CCNE1: variants seen among roughly 807,000 people sequenced by gnomAD.
CCNE1 encodes G1/S-specific cyclin-E1.
In CCNE1, 8 loss-of-function variants were observed where a neutral mutation model predicts 54.1. The ratio of observed to expected loss-of-function variants is 0.15; its 90% CI spans 0.09 to 0.27. The LOEUF (loss-of-function observed/expected upper bound fraction) is 0.27. Among genes scored for constraint, CCNE1 ranks in the 10% least tolerant of loss-of-function variants. The pLI is 1.00. For missense variants in CCNE1, 430 were observed against 514.9 expected, an observed-to-expected ratio of 0.84 and a Z score of 1.60; for synonymous variants, 179 against 185.2, an observed-to-expected ratio of 0.97 and a Z score of 0.27.
intron 4 of CCNE1, among the ~76,000 whole-genome samples, chr19:29,815,883 G>A (rs1035542615): frequency 1.3e-5 from 2 of 151,538 alleles, no homozygotes; most frequent in Non-Finnish European, 2.9e-5. Context: ...TGCCAGGTGC[G>A]GTGGCTCAGG....
intron 4 of CCNE1, 60 bp downstream of exon 4, chr19:29,813,097 T>G: frequency 6.9e-7 from 1 of 1,447,574 alleles, no homozygotes; most frequent in Non-Finnish European, 9.7e-7. Context: ...TCACATGGGG[T>G]TTCATGCTGT....
chr19:29,813,095 G>GGAGAA, intron 4 of CCNE1, 58 bp downstream of exon 4: 2 of 1,472,924 alleles, frequency 1.4e-6, no homozygotes, highest in Non-Finnish European at 9.5e-7. Flanking sequence ...GGTCACATGG[G>GGAGAA]GTTTCATGCT....
At chr19:29,820,579 A>G (rs754840082) in intron 6 of CCNE1, 123 bp from the exon 7 acceptor site, 31 of 702,994 alleles carry the variant, frequency 4.4e-5, no homozygotes, top group Middle Eastern at 3.9e-4. Context: ...AAAACTATCA[A>G]TTGTTGAGTT....
At position 29,821,774 on chromosome 19, in the gene CCNE1, G is replaced by A. The variant is rs1259738407; in HGVS notation, c.662G>A (p.Cys221Tyr). The change falls in exon 8 of 12, where the codon TGT (cysteine) becomes TAT (tyrosine). Residue 221 changes from cysteine to tyrosine, a missense_variant. Transcript: ENST00000262643. ...TTTGCGTATGTGACAGATGGAGCTT[G>A]TTCAGGAGATGAAATTCTCACCATG... is the stretch of plus-strand genomic sequence containing the variant. ...HQFAYVTDGA[C>Y]SGDEILTMEL... 2 of 1,613,416 alleles carry A rather than the reference G, an allele frequency of 1.2e-6. No homozygotes were observed. Among genetic ancestry groups the A allele is most frequent in the Admixed American group, 1.7e-5 (1 of 59,974 alleles).
chr19:29,819,704 T>C (rs1974106378), intron 6 of CCNE1, among the ~76,000 whole-genome samples: 1 of 152,242 alleles, frequency 6.6e-6, no homozygotes, highest in South Asian at 2.1e-4. Flanking sequence ...GTTGTATATC[T>C]TACTGGGATG....
At position 29,821,737 on chromosome 19, in the gene CCNE1, A is replaced by C. The variant is rs771158585; in HGVS notation, c.625A>C (p.Lys209Gln). 5 of 1,608,726 alleles carry C rather than the reference A, an allele frequency of 3.1e-6. No individual in the cohort carries two copies. The highest frequency in any genetic ancestry group is 3.4e-6 in the Non-Finnish European group (4 of 1,175,272). The change falls in exon 8 of 12, where the codon AAG becomes CAG. Residue 209 changes from lysine (K) to glutamine (Q), a missense_variant. By Grantham distance (53) the Lys-to-Gln change is moderately conservative. Coordinates refer to ENST00000262643, the MANE Select transcript of CCNE1 (RefSeq NM_001238.4). The stretch of plus-strand genomic sequence containing the variant: ...TTCCTTTCAGGAAATCTATCCTCCA[A>C]AGTTGCACCAGTTTGCGTATGTGAC... ...AAKLEEIYPP[K>Q]LHQFAYVTDG...
Position 29,817,392 on chromosome 19 carries a change from G to GT in CCNE1, c.327-13dup, listed in dbSNP as rs770510994. 3 of 1,613,876 alleles carry GT rather than the reference G, an allele frequency of 1.9e-6. No homozygotes were observed. The highest frequency in any genetic ancestry group is 3.3e-5 in the Admixed American group (2 of 59,964). ...CCTTTGTGGGCCTCATTTTTGTTGT[G>GT]TGTTTTGTTGTAGCTGGGCAAATAG... On this transcript the variant is annotated splice_polypyrimidine_tract_variant and intron_variant, in intron 5 of 11. Coordinates refer to ENST00000262643, the MANE Select transcript of CCNE1 (RefSeq NM_001238.4).
At chr19:29,819,420 C>T (rs541297961) in intron 6 of CCNE1, among the ~76,000 whole-genome samples, 2 of 151,724 alleles carry the variant, frequency 1.3e-5, no homozygotes, top group East Asian at 3.9e-4. Context: ...GTCCTTGGGA[C>T]TACAGGCATG....
At chr19:29,813,391 G>A in intron 4 of CCNE1, 1 of 226,270 alleles carries the variant, frequency 4.4e-6, no homozygotes. Context: ...CCATCCAGGG[G>A]CAAAGTTGGG....
In CCNE1 at chr19:29,813,499, A is replaced by T. The variant is rs184045448; in HGVS notation, c.180+462A>T. Among the ~76,000 whole-genome samples the T allele has an allele frequency of 3.3e-5, 5 of 152,220 alleles. No individual in the cohort carries two copies. In the East Asian group the frequency reaches 7.7e-4, roughly 23 times the overall value. ...CCTATCTACACCTATTTTTCTTGTC[A>T]TGGTGTTTAAGGACCTCCTCCGTCT... On this transcript the variant is annotated intron_variant, in intron 4 of 11. Transcript: ENST00000262643.
chr19:29,817,229 G>C lies in CCNE1; in HGVS notation c.273G>C (p.Thr91=), dbSNP rs148162215. ...EDDDRVYPNS[T]CKPRIIAPSR... Reference sequence around the variant, plus strand: ...ATGACCGGGTTTACCCAAACTCAACGTGCAAGCCTCGGATTATTGCACCAT... The same window carrying C: ...ATGACCGGGTTTACCCAAACTCAACCTGCAAGCCTCGGATTATTGCACCAT... Residue 91 remains threonine, a synonymous_variant, in exon 5 of 12, where the codon ACG becomes ACC. Coordinates refer to ENST00000262643, the MANE Select transcript of CCNE1 (RefSeq NM_001238.4). 1 of 1,614,148 alleles carries C rather than the reference G, an allele frequency of 6.2e-7. No homozygotes were observed. The highest frequency in any genetic ancestry group is 8.5e-7 in the Non-Finnish European group (1 of 1,180,046).
chr19:29,824,221 A>G lies in CCNE1; in HGVS notation c.*444A>G, dbSNP rs190557131. 78 of 245,868 alleles carry G rather than the reference A, an allele frequency of 3.2e-4. No homozygotes were observed. The highest frequency in any genetic ancestry group is 1.7e-3 in the African/African-American group (76 of 45,804). The allele number at this position is 245,868 out of a possible 1,614,324, so 15.2% of individuals were successfully genotyped here. A position where few individuals can be genotyped will look rare whatever the true frequency, so the allele number is the denominator to read the frequency against. ...AGGGGGCTGCCCTCTCCACATTATC[A>G]GTTGACAGTGTACAATGCCTTTGAT... On this transcript the variant is annotated 3_prime_UTR_variant, in exon 12 of 12. Transcript: ENST00000262643.
intron 2 of CCNE1, 23 bp downstream of exon 2, chr19:29,812,601 C>G (rs1295990515): frequency 6.5e-7 from 1 of 1,533,556 alleles, no homozygotes; most frequent in Middle Eastern, 2.2e-4. Context: ...GCCGCGGGGC[C>G]GGACGGGACG....
intron 1 of CCNE1, among the ~76,000 whole-genome samples, 156 bp from the exon 2 acceptor site, chr19:29,812,376 C>CGGGTCGG (rs1239322865): frequency 1.1e-3 from 167 of 148,728 alleles, no homozygotes; most frequent in Admixed American, 2.9e-3. Context: ...GGCGGGACCC[C>CGGGTCGG]GGGTCGGGGG....
Position 29,821,754 on chromosome 19 carries a change from G to T in CCNE1, c.642G>T (p.Ala214=), listed in dbSNP as rs137868979. ...ATCCTCCAAAGTTGCACCAGTTTGC[G>T]TATGTGACAGATGGAGCTTGTTCAG... ...EIYPPKLHQF[A]YVTDGACSGD... is the part of the protein sequence containing the mutation. The change falls in exon 8 of 12, where the codon GCG becomes GCT. Residue 214 remains alanine, a synonymous_variant. Transcript: ENST00000262643. 6 of 1,612,668 alleles carry T rather than the reference G, an allele frequency of 3.7e-6. No individual in the cohort carries two copies. Among genetic ancestry groups the T allele is most frequent in the Non-Finnish European group, 5.1e-6 (6 of 1,178,934 alleles).
At position 29,820,773 on chromosome 19, in the gene CCNE1, G is replaced by A. The variant is rs368794196; in HGVS notation, c.534G>A (p.Ala178=). Reference sequence around the variant, plus strand: ...AAGATTTCTTTGACCGGTATATGGCGACACAAGAAAATGTTGTAAAAACTC... The same window carrying A: ...AAGATTTCTTTGACCGGTATATGGCAACACAAGAAAATGTTGTAAAAACTC... The part of the protein sequence containing the change: ...LAQDFFDRYM[A]TQENVVKTLL... The change falls in exon 7 of 12, where the codon GCG becomes GCA. Residue 178 remains alanine (A), a synonymous_variant. Transcript: ENST00000262643. 1.7e-5 allele frequency: 28 copies of A among 1,609,576 alleles called. No individual in the cohort carries two copies. Among genetic ancestry groups the A allele is most frequent in the Non-Finnish European group, 2.2e-5 (26 of 1,176,732 alleles).
At chr19:29,812,887 C>G (rs903518996) in intron 3 of CCNE1, 82 bp from the exon 4 acceptor site, 1 of 1,596,160 alleles carries the variant, frequency 6.3e-7, no homozygotes, top group African/African-American at 1.3e-5. Context: ...GAGCTCATAA[C>G]CTGATCAGCT....
rs1973914692 is a variant in CCNE1 at position 29,812,526 on chromosome 19, C to T, written c.-24-6C>T. 4.5e-6 allele frequency: 6 copies of T among 1,338,212 alleles called. No homozygotes were observed. Among genetic ancestry groups the T allele is most frequent in the Non-Finnish European group, 5.7e-6 (6 of 1,053,028 alleles). The allele number at this position is 1,338,212 out of a possible 1,614,324, so 82.9% of individuals were successfully genotyped here. A position where few individuals can be genotyped will look rare whatever the true frequency, so the allele number is the denominator to read the frequency against. On this transcript the variant is annotated splice_polypyrimidine_tract_variant and splice_region_variant and intron_variant, in intron 1 of 11. Transcript: ENST00000262643. ...CGCCGCCGCCTCACCCCGCGCCGCC[C>T]CGCAGGCCTCAGGCCGGAGCAGCCC...
In CCNE1 at chr19:29,821,993, T is replaced by C; in HGVS notation, c.706-3T>C. On this transcript the variant is annotated splice_polypyrimidine_tract_variant and splice_region_variant and intron_variant, in intron 8 of 11. Coordinates refer to ENST00000262643, the MANE Select transcript of CCNE1 (RefSeq NM_001238.4). ...GGTCTCTTTTCTCTCTGTTTTCCTT[T>C]AGGCCCTTAAGTGGCGTTTAAGTCC... is the stretch of plus-strand genomic sequence containing the variant. 2 of 1,608,176 alleles carry C rather than the reference T, an allele frequency of 1.2e-6. No individual in the cohort carries two copies. The highest frequency in any genetic ancestry group is 1.7e-6 in the Non-Finnish European group (2 of 1,176,868).
Sources: allele counts gnomAD v4.1 joint callset (sites outside exome capture counted in the v4.1 genomes callset), GRCh38; gene constraint gnomAD v4.1.1; transcripts MANE v1.5; gene names NCBI Gene and HGNC (gene_info 2026-07-23, HGNC 2026-07-21).